PCDH11X: variants seen among roughly 807,000 people sequenced by gnomAD.
PCDH11X encodes the protein protocadherin-11 X-linked.
In PCDH11X, 18 loss-of-function variants were observed where a neutral mutation model predicts 53.3. The ratio of observed to expected loss-of-function variants is 0.34; its 90% confidence interval spans 0.23 to 0.50. The LOEUF (loss-of-function observed/expected upper bound fraction) is 0.50. Ranked by LOEUF, PCDH11X falls within the 20% of genes least tolerant of loss-of-function variation. PCDH11X has a pLI of 0.98. For missense variants in PCDH11X, 570 were observed against 1,032.4 expected, an observed-to-expected ratio of 0.55 and a Z score of 6.14; for synonymous variants, 279 against 393.3, an observed-to-expected ratio of 0.71 and a Z score of 3.44.
intron 10 of PCDH11X, among the ~76,000 whole-genome samples, chrX:92,555,381 T>A (rs191111432): frequency 0.031 from 3,422 of 111,643 alleles, 116 homozygotes; most frequent in African/African-American, 0.11. Context: ...CATAAAAAAA[T>A]TAGGTTTATG....
chrX:92,433,700 T>C (rs2072303793), intron 9 of PCDH11X, among the ~76,000 whole-genome samples: 1 of 111,514 alleles, frequency 9.0e-6, no homozygotes, highest in Non-Finnish European at 1.9e-5. Flanking sequence ...ATAAAATGGA[T>C]ATAACAGAGG....
At chrX:91,973,414 T>A (rs1398236042) in intron 6 of PCDH11X, among the ~76,000 whole-genome samples, 1 of 98,375 alleles carries the variant, frequency 1.0e-5, no homozygotes, top group Non-Finnish European at 2.0e-5. Context: ...ATTGTGCACA[T>A]GTACCCTAAA....
intron 9 of PCDH11X, among the ~76,000 whole-genome samples, chrX:92,452,157 G>T (rs1280712526): frequency 9.4e-6 from 1 of 105,845 alleles, no homozygotes; most frequent in Non-Finnish European, 1.9e-5. Context: ...TATTCATGTA[G>T]AAATTCATTT....
chrX:92,383,319 A>T (rs1280033012), intron 8 of PCDH11X, among the ~76,000 whole-genome samples: 1 of 28,303 alleles, frequency 3.5e-5, no homozygotes, highest in Non-Finnish European at 7.5e-5. Flanking sequence ...CTGTAGATAA[A>T]TGTTTTTTTT....
chrX:92,471,306 A>G (rs2073258295), intron 10 of PCDH11X, among the ~76,000 whole-genome samples: 1 of 107,616 alleles, frequency 9.3e-6, no homozygotes, highest in South Asian at 4.2e-4. Context: ...GTTCTCCTCT[A>G]TGTGCCCATG....
chrX:91,930,054 G>A (rs933554603), intron 6 of PCDH11X, among the ~76,000 whole-genome samples: 13 of 109,342 alleles, frequency 1.2e-4, no homozygotes, highest in Non-Finnish European at 2.3e-4. Context: ...ATATATACAC[G>A]ATCTCTCAGA....
chrX:91,798,664 C>T (rs1291494746), intron 1 of PCDH11X, among the ~76,000 whole-genome samples: 11 of 110,568 alleles, frequency 9.9e-5, no homozygotes, highest in African/African-American at 3.6e-4. Flanking sequence ...ATATGATACA[C>T]AATGGCCTTC....
intron 5 of PCDH11X, among the ~76,000 whole-genome samples, chrX:91,853,767 A>ATTTTTAGTT (rs1239724730): frequency 8.9e-6 from 1 of 111,771 alleles, no homozygotes; most frequent in Admixed American, 9.5e-5. Flanking sequence ...TTAAGCGAAT[A>ATTTTTAGTT]TTTTTAGTTA....
chrX:92,466,321 T>C (rs1426034213), intron 9 of PCDH11X, among the ~76,000 whole-genome samples: 2 of 110,140 alleles, frequency 1.8e-5, no homozygotes, highest in African/African-American at 6.6e-5. Context: ...AAAATGTCAA[T>C]GATAAACCTT....
rs145902113 is a variant in PCDH11X at position 91,982,911 on chromosome X, A to G, written c.3033+103638A>G. ...GACAGCAGTCTCCAACTTCTTGTTC[A>G]CTTTCTGGTAAATGAGGCCACCAAA... On this transcript the variant is annotated intron_variant, in intron 6 of 10. Coordinates refer to ENST00000682573, the MANE Select transcript of PCDH11X (RefSeq NM_032968.5). 1,809 of 1,004,178 alleles carry G rather than the reference A, an allele frequency of 1.8e-3. 21 individuals are homozygous for G. In the African/African-American group the frequency reaches 0.03, roughly 17 times the overall value. The allele number at this position is 1,004,178 out of a possible 1,213,427, so 82.8% of individuals were successfully genotyped here. A position where few individuals can be genotyped will look rare whatever the true frequency, so the allele number is the denominator to read the frequency against.
At chrX:92,345,049 C>T (rs1314242926) in intron 8 of PCDH11X, among the ~76,000 whole-genome samples, 1 of 109,616 alleles carries the variant, frequency 9.1e-6, no homozygotes, top group Non-Finnish European at 1.9e-5. Context: ...CCTTTTTTAC[C>T]TAAATTTTTC....
chrX:92,526,283 A>G (rs1291272922), intron 10 of PCDH11X, among the ~76,000 whole-genome samples: 1 of 111,087 alleles, frequency 9.0e-6, no homozygotes, highest in Non-Finnish European at 1.9e-5. Flanking sequence ...CATGAAGCTA[A>G]GACTTTAGGA....
intron 6 of PCDH11X, among the ~76,000 whole-genome samples, chrX:92,056,318 G>A (rs773215934): frequency 7.8e-4 from 87 of 111,732 alleles, no homozygotes; most frequent in African/African-American, 2.8e-3. Context: ...ATGGTTGGCT[G>A]CATGTATGTC....
At chrX:91,784,590 A>G (rs766240473) in intron 1 of PCDH11X, among the ~76,000 whole-genome samples, 152 of 111,671 alleles carry the variant, frequency 1.4e-3, no homozygotes, top group African/African-American at 4.8e-3. Context: ...TCCCTGCATC[A>G]TCTCTGAACC....
At chrX:92,551,427 A>T (rs1173791618) in intron 10 of PCDH11X, among the ~76,000 whole-genome samples, 2 of 105,018 alleles carry the variant, frequency 1.9e-5, no homozygotes, top group Admixed American at 2.1e-4. Flanking sequence ...TTTCCTATAG[A>T]CTTGTTTGAA....
intron 5 of PCDH11X, among the ~76,000 whole-genome samples, chrX:91,865,959 TGAG>T (rs1197800488): frequency 9.1e-6 from 1 of 109,363 alleles, no homozygotes; most frequent in Non-Finnish European, 1.9e-5. Flanking sequence ...GTCCTGGAAT[TGAG>T]GACCCCAAAA....
intron 6 of PCDH11X, among the ~76,000 whole-genome samples, chrX:92,181,918 G>T (rs2066003200): frequency 1.8e-5 from 2 of 112,389 alleles, no homozygotes; most frequent in South Asian, 7.3e-4. Flanking sequence ...ATATTGGGTG[G>T]GTGCCCCCAC....
At chrX:91,822,394 T>C (rs1490261669) in intron 4 of PCDH11X, among the ~76,000 whole-genome samples, 7 of 108,933 alleles carry the variant, frequency 6.4e-5, no homozygotes, top group African/African-American at 2.4e-4. Flanking sequence ...CTTCCTGGTT[T>C]AGTCTTGGGA....
In PCDH11X at chrX:92,409,723, C is replaced by T. The variant is rs778641302; in HGVS notation, c.3343+21790C>T. 4.5e-3 allele frequency among the ~76,000 whole-genome samples: 505 copies of T among 112,089 alleles called. 3 individuals carry two copies. The highest frequency in any genetic ancestry group is 0.015 in the African/African-American group (475 of 30,942). On this transcript the variant is annotated intron_variant, in intron 9 of 10. Transcript: ENST00000682573. ...TTTGACTTATTGGGTAGAAAAGTAA[C>T]AATGGCTAAACTCAAGTGAAGATTT...
Sources: allele counts gnomAD v4.1 joint callset (sites outside exome capture counted in the v4.1 genomes callset), GRCh38; gene constraint gnomAD v4.1.1; transcripts MANE v1.5; gene names NCBI Gene and HGNC (gene_info 2026-07-23, HGNC 2026-07-21).